BTBD16: variants seen among roughly 807,000 people sequenced by gnomAD.
BTBD16 encodes the protein BTB domain containing 16.
Under a neutral mutation model 67.4 loss-of-function variants are expected in BTBD16, and 66 were observed. The observed-to-expected ratio is 0.98, with a 90% CI of 0.80 to 1.20. The LOEUF is 1.20. BTBD16 is among the 50% of genes most tolerant of loss of function. The pLI is 0.00. For synonymous variants in BTBD16, 242 were observed against 236.4 expected (o/e 1.02, Z -0.22); for missense variants, 634 against 616.0 (o/e 1.03, Z -0.31).
At chr10:122,303,647 T>C in intron 9 of BTBD16, 1 of 855,762 alleles carries the variant, frequency 1.2e-6, no homozygotes, top group Non-Finnish European at 1.4e-6. Flanking sequence ...TATATATAAT[T>C]TTCTCAGTGA....
At chr10:122,287,851 A>G (rs2096366765) in intron 5 of BTBD16, among the ~76,000 whole-genome samples, 1 of 152,214 alleles carries the variant, frequency 6.6e-6, no homozygotes, top group Non-Finnish European at 1.5e-5. Flanking sequence ...GTGGAATCCA[A>G]GGAGGAAGTG....
At chr10:122,283,384 C>T (rs1275618170) in intron 3 of BTBD16, among the ~76,000 whole-genome samples, 1 of 152,164 alleles carries the variant, frequency 6.6e-6, no homozygotes, top group East Asian at 1.9e-4. Context: ...TCCGAGTGAG[C>T]AGGGTAGGAT....
intron 10 of BTBD16, among the ~76,000 whole-genome samples, chr10:122,313,572 T>C (rs1007754067): frequency 6.6e-6 from 1 of 152,224 alleles, no homozygotes; most frequent in Non-Finnish European, 1.5e-5. Flanking sequence ...CTATAGTTAG[T>C]GCTATTTAAG....
chr10:122,334,265 G>A (rs7893926), intron 13 of BTBD16, among the ~76,000 whole-genome samples: 9,460 of 142,512 alleles, frequency 0.066, 376 homozygotes, highest in African/African-American at 0.11. Flanking sequence ...GCGCAATCTC[G>A]GCTCACTGCA....
At chr10:122,283,002 T>C (rs2096356162) in intron 3 of BTBD16, among the ~76,000 whole-genome samples, 1 of 152,128 alleles carries the variant, frequency 6.6e-6, no homozygotes, top group Admixed American at 6.5e-5. Flanking sequence ...TGCAGGCTGC[T>C]GAGAAGGGCT....
At chr10:122,296,415 A>G (rs765643323) in intron 7 of BTBD16, among the ~76,000 whole-genome samples, 3 of 152,208 alleles carry the variant, frequency 2.0e-5, no homozygotes, top group Non-Finnish European at 2.9e-5. Context: ...GAATAAGTGC[A>G]AGAGGTACTG....
Position 122,275,097 on chromosome 10 carries a change from A to G in BTBD16, c.16A>G (p.Thr6Ala). 6.2e-7 allele frequency: 1 copy of G among 1,613,892 alleles called. No homozygotes were observed. ...ACTTTCATTCATGATAATGTCGAAC[A>G]CGGTGAGTAGATCAGTTTCTCAAGA... Reference protein sequence around the residue: MIMSNTHKARLERRVT... With the variant: MIMSNAHKARLERRVT... Residue 6 changes from threonine (T) to alanine (A), a missense_variant and splice_region_variant, in exon 2 of 16, where the codon ACG (threonine) becomes GCG (alanine). Coordinates refer to ENST00000260723, the MANE Select transcript of BTBD16 (RefSeq NM_144587.5).
intron 2 of BTBD16, among the ~76,000 whole-genome samples, chr10:122,275,321 A>G (rs983009234): frequency 6.6e-6 from 1 of 152,188 alleles, no homozygotes; most frequent in African/African-American, 2.4e-5. Flanking sequence ...GTTTTACGTG[A>G]CAGCCGGACT....
chr10:122,276,990 G>A (rs774133418), intron 3 of BTBD16, 51 bp downstream of exon 3: 12 of 1,584,804 alleles, frequency 7.6e-6, no homozygotes, highest in African/African-American at 1.3e-5. Flanking sequence ...ATTCCTGGGA[G>A]GGGAGGTGCC....
chr10:122,334,087 C>T (rs2096459120), intron 13 of BTBD16, among the ~76,000 whole-genome samples: 1 of 152,052 alleles, frequency 6.6e-6, no homozygotes, highest in South Asian at 2.1e-4. Context: ...TAGCTTTCCC[C>T]ATGTTTCCTA....
At chr10:122,303,222 G>A (rs2096397375) in intron 9 of BTBD16, among the ~76,000 whole-genome samples, 1 of 152,010 alleles carries the variant, frequency 6.6e-6, no homozygotes, top group Non-Finnish European at 1.5e-5. Context: ...CCTCATTTCT[G>A]CCTCCTTCCC....
chr10:122,306,731 A>G (rs888596855), intron 9 of BTBD16, among the ~76,000 whole-genome samples: 1 of 152,238 alleles, frequency 6.6e-6, no homozygotes, highest in African/African-American at 2.4e-5. Context: ...ATATATTAGA[A>G]TTAAAATTGA....
intron 1 of BTBD16, among the ~76,000 whole-genome samples, chr10:122,272,852 A>G (rs963171274): frequency 6.6e-6 from 1 of 152,200 alleles, no homozygotes; most frequent in African/African-American, 2.4e-5. Context: ...TAGTGAGACT[A>G]CAGTAACCCA....
rs567152152 is a variant in BTBD16, at chr10:122,304,714, C to T, written c.792-2475C>T. Among the ~76,000 whole-genome samples the T allele has an allele frequency of 1.3e-4, 19 of 151,994 alleles. No individual in the cohort carries two copies. The East Asian group carries it at 1.7e-3, about 14-fold the overall frequency. On this transcript the variant is annotated intron_variant, in intron 9 of 15. Transcript: ENST00000260723. ...GGACTCAGGCGCCTGCCACCATGCC[C>T]GGATAATTTTTTGTATTTTTAGTAG...
At position 122,331,252 on chromosome 10, in the gene BTBD16, C is replaced by A; in HGVS notation, c.1080C>A (p.Tyr360Ter). The change falls in exon 12 of 16, where the codon TAC (tyrosine) becomes TAA (stop). Residue 360 changes from tyrosine to a stop codon, truncating the protein, a stop_gained. Coordinates refer to ENST00000260723, the MANE Select transcript of BTBD16 (RefSeq NM_144587.5). LOFTEE classifies it high-confidence loss of function. ...SWLDQVTVNH[Y>*]HALENGGDMV... is the part of the protein sequence containing the mutation. Reference sequence around the variant, plus strand: ...TCGACCAGGTTACAGTCAACCATTACCACGCAGTGAGTTGCCTGCTCTGCA... The same window carrying A: ...TCGACCAGGTTACAGTCAACCATTAACACGCAGTGAGTTGCCTGCTCTGCA... 1 of 1,613,526 alleles carries A rather than the reference C, an allele frequency of 6.2e-7. No homozygotes were observed. The highest frequency in any genetic ancestry group is 8.5e-7 in the Non-Finnish European group (1 of 1,179,856).
intron 4 of BTBD16, among the ~76,000 whole-genome samples, 169 bp downstream of exon 4, chr10:122,284,093 T>G (rs1590052362): frequency 1.3e-5 from 2 of 152,204 alleles, no homozygotes; most frequent in East Asian, 3.9e-4. Context: ...TAAATATTTG[T>G]CAAATGTGCA....
At chr10:122,305,806 T>G (rs963678869) in intron 9 of BTBD16, among the ~76,000 whole-genome samples, 2 of 152,234 alleles carry the variant, frequency 1.3e-5, no homozygotes, top group Non-Finnish European at 2.9e-5. Context: ...TACTCAATGT[T>G]TAAGCTCCCA....
intron 10 of BTBD16, among the ~76,000 whole-genome samples, chr10:122,316,846 C>T (rs1329530753): frequency 6.6e-5 from 10 of 151,306 alleles, no homozygotes; most frequent in South Asian, 2.1e-4. Context: ...TGGAGTGCAA[C>T]GGCGCAATCT....
At chr10:122,319,583 C>T (rs1459068494) in intron 10 of BTBD16, among the ~76,000 whole-genome samples, 3 of 152,018 alleles carry the variant, frequency 2.0e-5, no homozygotes, top group East Asian at 1.9e-4. Flanking sequence ...AACCATATTC[C>T]TATTTTATAC....
Sources: gnomAD v4.1 joint callset for allele counts (sites outside exome capture counted in the v4.1 genomes callset) on GRCh38, gnomAD v4.1.1 for gene constraint, MANE v1.5 for transcripts, NCBI Gene and HGNC (gene_info 2026-07-23, HGNC 2026-07-21) for gene names.